The following CLTC variants were observed in gnomAD, a reference collection of about 807,000 sequenced individuals.
CLTC encodes the protein clathrin heavy chain 1.
A neutral mutation model predicts 195.8 loss-of-function variants in CLTC; 16 were observed. The observed-to-expected ratio is 0.08, with a 90% CI of 0.06 to 0.12. CLTC has a LOEUF of 0.12. CLTC is among the 10% of genes least tolerant of loss of function. CLTC has a pLI of 1.00. For synonymous variants in CLTC, 667 were observed against 689.4 expected, an observed-to-expected ratio of 0.97 and a Z score of 0.51; for missense variants, 796 against 2,027.0, an observed-to-expected ratio of 0.39 and a Z score of 11.66.
In CLTC at chr17:59,695,374, C is replaced by T. The variant is rs146614825; in HGVS notation, c.*1522C>T. On this transcript the variant is annotated 3_prime_UTR_variant, in exon 32 of 32. Coordinates refer to ENST00000269122, the MANE Select transcript of CLTC (RefSeq NM_004859.4). ...TTTTTAAAACTTAAAATCCCTGTCC[C>T]ACCAGGTGTGGTGGCTCATGCCTGT... 2.2e-5 allele frequency: 4 copies of T among 180,688 alleles called. No individual in the cohort carries two copies. In the East Asian group the frequency reaches 3.7e-4, roughly 16 times the overall value. The allele number at this position is 180,688 out of a possible 1,614,324, so 11.2% of individuals were successfully genotyped here.
chr17:59,662,229 CT>C (rs2032627056), intron 8 of CLTC, among the ~76,000 whole-genome samples: 1 of 152,064 alleles, frequency 6.6e-6, no homozygotes, highest in Admixed American at 6.5e-5. Flanking sequence ...AACTTGGTTT[CT>C]TGAAATTTAT....
chr17:59,677,933 T>C (rs1167422303), intron 17 of CLTC, among the ~76,000 whole-genome samples: 1 of 152,236 alleles, frequency 6.6e-6, no homozygotes, highest in Non-Finnish European at 1.5e-5. Flanking sequence ...TTTATCTAGT[T>C]ACAAGTTTTC....
At position 59,693,861 on chromosome 17, in the gene CLTC, G is replaced by A. The variant is rs139735038; in HGVS notation, c.*9G>A. 175 of 1,606,840 alleles carry A rather than the reference G, an allele frequency of 1.1e-4. No individual in the cohort carries two copies. In the African/African-American group the frequency reaches 1.5e-3, roughly 14 times the overall value. Reference sequence around the variant, plus strand: ...TTGGGTACAGCATGTGAGATGAAGCGCTGATCCTGTAGTCACCTATTTTCG... The same window carrying A: ...TTGGGTACAGCATGTGAGATGAAGCACTGATCCTGTAGTCACCTATTTTCG... On this transcript the variant is annotated 3_prime_UTR_variant, in exon 32 of 32. Transcript: ENST00000269122.
At chr17:59,642,477 CT>C (rs1233456705) in intron 1 of CLTC, among the ~76,000 whole-genome samples, 4 of 152,106 alleles carry the variant, frequency 2.6e-5, no homozygotes, top group African/African-American at 9.7e-5. Context: ...GCTCTATGAA[CT>C]TTATGAGCCC....
chr17:59,647,797 T>G lies in CLTC; in HGVS notation c.519+131T>G. ...ATTTCACTTATTTTGGAAGACTTTT[T>G]TTTTCCTTCCTCCCATCCCTTCTCT... is the stretch of plus-strand genomic sequence containing the variant. On this transcript the variant is annotated intron_variant, in intron 3 of 31. Transcript: ENST00000269122. 5 of 816,924 alleles carry G rather than the reference T, an allele frequency of 6.1e-6. No individual in the cohort carries two copies. In the South Asian group the frequency reaches 9.0e-5, roughly 15 times the overall value. The allele number at this position is 816,924 out of a possible 1,614,324, so 50.6% of individuals were successfully genotyped here.
chr17:59,670,743 G>C (rs571347671), intron 14 of CLTC, among the ~76,000 whole-genome samples: 2 of 152,096 alleles, frequency 1.3e-5, no homozygotes, highest in South Asian at 4.2e-4. Flanking sequence ...AAATCCTCTA[G>C]TAAAGAAATG....
rs139541374 is a variant in CLTC, at chr17:59,681,433, A to G, written c.3204A>G (p.Ala1068=). The G allele has an allele frequency of 1.9e-6, 3 of 1,614,036 alleles. No homozygotes were observed. The African/African-American group carries it at 4.0e-5, about 22-fold the overall frequency. Residue 1068 remains alanine, a synonymous_variant, in exon 20 of 32, where the codon GCA becomes GCG. Transcript: ENST00000269122. This position sits in a 1 kb window ranked among gnomAD's most constrained non-coding sequence, Gnocchi z 5.0. The part of the protein sequence containing the change: ...IAISNELFEE[A]FAIFRKFDVN... ...TCAGCAATGAGCTGTTTGAAGAAGCATTTGCCATTTTCCGGAAATTTGATG... is the reference window on the plus strand; with the variant it reads ...TCAGCAATGAGCTGTTTGAAGAAGCGTTTGCCATTTTCCGGAAATTTGATG...
At chr17:59,662,481 C>T (rs1238017831) in intron 8 of CLTC, among the ~76,000 whole-genome samples, 7 of 152,168 alleles carry the variant, frequency 4.6e-5, no homozygotes, top group Non-Finnish European at 1.0e-4. Flanking sequence ...TTCACACCAC[C>T]ACATAAAAAA....
At chr17:59,636,865 C>T (rs536318505) in intron 1 of CLTC, among the ~76,000 whole-genome samples, 12 of 151,680 alleles carry the variant, frequency 7.9e-5, no homozygotes, top group Admixed American at 6.6e-4. Context: ...CGGGTTCAAG[C>T]GATTCTCCTG....
chr17:59,681,617 C>G lies in CLTC; in HGVS notation c.3250-30C>G, dbSNP rs201632054. The G allele has an allele frequency of 1.2e-5, 19 of 1,593,240 alleles. No individual in the cohort carries two copies. The East Asian group carries it at 4.3e-4, about 36-fold the overall frequency. ...TGCTTTGGGTAGGATTGATTTTACT[C>G]TAACCCTAATTTCAAACTTGGATAC... On this transcript the variant is annotated intron_variant, in intron 20 of 31. Transcript: ENST00000269122. This position sits in a 1 kb window ranked among gnomAD's most constrained non-coding sequence, Gnocchi z 5.0.
chr17:59,684,153 A>G, intron 28 of CLTC, 168 bp downstream of exon 28: 2 of 568,284 alleles, frequency 3.5e-6, no homozygotes, highest in Non-Finnish European at 6.2e-6. Context: ...TTAAGTGCCA[A>G]GTTTTCAGAA....
At chr17:59,637,801 G>C (rs1227374774) in intron 1 of CLTC, among the ~76,000 whole-genome samples, 1 of 151,666 alleles carries the variant, frequency 6.6e-6, no homozygotes, top group Non-Finnish European at 1.5e-5. Flanking sequence ...TTCACACCCA[G>C]AGTTTCAGCC....
At position 59,674,848 on chromosome 17, in the gene CLTC, AG is replaced by A. The variant is rs2032929945; in HGVS notation, c.2561+6del. On this transcript the variant is annotated splice_donor_region_variant and intron_variant, in intron 16 of 31. Coordinates refer to ENST00000269122, the MANE Select transcript of CLTC (RefSeq NM_004859.4). ...TGAGGTTGAAAAAAGAAACAGGTGT[AG>A]TACCATTTTAACAGGGATAAGTTAC... 1.2e-6 allele frequency: 2 copies of A among 1,611,524 alleles called. No individual in the cohort carries two copies. Among genetic ancestry groups the A allele is most frequent in the Middle Eastern group, 1.7e-4 (1 of 6,046 alleles).
Position 59,661,412 on chromosome 17 carries a change from G to A in CLTC, c.1168-31G>A, listed in dbSNP as rs7208917. On this transcript the variant is annotated intron_variant, in intron 7 of 31. Coordinates refer to ENST00000269122, the MANE Select transcript of CLTC (RefSeq NM_004859.4). ...TAACATTTCTCCTTCTTACACTTTC[G>A]AAGAGCGTTTAACATTTCTCCTTCT... The A allele has an allele frequency of 2.8e-4, 433 of 1,568,416 alleles. No homozygotes were observed. In the African/African-American group the frequency reaches 3.0e-3, roughly 11 times the overall value.
Position 59,648,106 on chromosome 17 carries a change from G to A in CLTC, c.520-134G>A. 2 of 829,874 alleles carry A rather than the reference G, an allele frequency of 2.4e-6. No individual in the cohort carries two copies. The highest frequency in any genetic ancestry group is 3.7e-6 in the Non-Finnish European group (2 of 539,840). The allele number at this position is 829,874 out of a possible 1,614,324, so 51.4% of individuals were successfully genotyped here. A position where few individuals can be genotyped will look rare whatever the true frequency, so the allele number is the denominator to read the frequency against. The stretch of plus-strand genomic sequence containing the variant: ...TAAGTTAAGAAGTATCAAATCTACA[G>A]TGAGAGATGAAGTGACAAATAATTA... On this transcript the variant is annotated intron_variant, in intron 3 of 31. Transcript: ENST00000269122. This position sits in a 1 kb window ranked among gnomAD's most constrained non-coding sequence, Gnocchi z 4.5.
intron 5 of CLTC, among the ~76,000 whole-genome samples, chr17:59,654,542 A>G (rs2032416236): frequency 6.6e-6 from 1 of 151,660 alleles, no homozygotes; most frequent in South Asian, 2.1e-4. Flanking sequence ...GTGCAGTGGC[A>G]CCATCTCGGC....
In CLTC at chr17:59,666,178, C is replaced by T. The variant is rs149612863; in HGVS notation, c.1720C>T (p.Arg574Cys). ...AFLLDALKNN[R>C]PSEGPLQTRL... ...CTTGCTTGATGCTCTGAAGAATAATCGCCCATCTGAAGGTCCTTTACAGAC... is the reference window on the plus strand; with the variant it reads ...CTTGCTTGATGCTCTGAAGAATAATTGCCCATCTGAAGGTCCTTTACAGAC... The change falls in exon 11 of 32, where the codon CGC becomes TGC. Residue 574 changes from arginine to cysteine, a missense_variant. Arg to Cys is a radical substitution (Grantham distance 180). Around this residue, in one of 9 missense-constraint regions of CLTC, gnomAD observed 293 missense variants for 795.6 expected, o/e 0.37. Coordinates refer to ENST00000269122, the MANE Select transcript of CLTC (RefSeq NM_004859.4). This position sits in a 1 kb window ranked among gnomAD's most constrained non-coding sequence, Gnocchi z 4.9. 2.5e-6 allele frequency: 4 copies of T among 1,613,778 alleles called. No individual in the cohort carries two copies. Among genetic ancestry groups the T allele is most frequent in the Non-Finnish European group, 2.5e-6 (3 of 1,179,730 alleles).
At chr17:59,653,501 CTCTCCT>C (rs992362394) in intron 5 of CLTC, among the ~76,000 whole-genome samples, 7 of 150,308 alleles carry the variant, frequency 4.7e-5, no homozygotes, top group African/African-American at 1.7e-4. Context: ...CCTCCTCTCC[CTCTCCT>C]TCTGCCTCTC....
rs566755014 is a variant in CLTC at position 59,696,478 on chromosome 17, T to C, written c.*2626T>C. 6.6e-5 allele frequency: 14 copies of C among 212,410 alleles called. No individual in the cohort carries two copies. The highest frequency in any genetic ancestry group is 1.2e-4 in the Non-Finnish European group (13 of 105,268). The allele number at this position is 212,410 out of a possible 1,614,324, so 13.2% of individuals were successfully genotyped here. A position where few individuals can be genotyped will look rare whatever the true frequency, so the allele number is the denominator to read the frequency against. ...CTGGCATCATTACAGTTCTTGGGGA[T>C]ACACTGATTTTAGAAATTACTGTCA... On this transcript the variant is annotated 3_prime_UTR_variant, in exon 32 of 32. Coordinates refer to ENST00000269122, the MANE Select transcript of CLTC (RefSeq NM_004859.4).
Sources: gnomAD v4.1 joint callset for allele counts (sites outside exome capture counted in the v4.1 genomes callset) on GRCh38, gnomAD v4.1.1 for gene constraint, gnomAD v4.1.1 regional missense constraint, Gnocchi (gnomAD v3.1) non-coding constraint, MANE v1.5 for transcripts, NCBI Gene and HGNC (gene_info 2026-07-23, HGNC 2026-07-21) for gene names.